Variants in CSMD1 observed in about 807,000 individuals in gnomAD.
CSMD1 encodes the protein CUB and sushi domain-containing protein 1.
Under a neutral mutation model 417.5 loss-of-function variants are expected in CSMD1, and 213 were observed. That is an observed-to-expected ratio of 0.51 (90% confidence interval 0.46 to 0.57). CSMD1 has a LOEUF of 0.57. CSMD1 is among the 20% of genes least tolerant of loss of function. The pLI, the probability that CSMD1 is intolerant of heterozygous loss-of-function variation, is 0.00. For missense variants in CSMD1, 6,923 were observed against 4,529.7 expected (o/e 1.53, Z -15.17); for synonymous variants, 2,862 against 1,736.8 (o/e 1.65, Z -16.11).
intron 49 of CSMD1, among the ~76,000 whole-genome samples, chr8:3,064,696 T>C (rs1812804383): frequency 6.6e-6 from 1 of 152,014 alleles, no homozygotes; most frequent in East Asian, 1.9e-4. Context: ...CATCCCCGCA[T>C]TTTCTCAAAG....
At chr8:4,641,223 C>G (rs1051850679) in intron 1 of CSMD1, among the ~76,000 whole-genome samples, 1 of 151,806 alleles carries the variant, frequency 6.6e-6, no homozygotes, top group Non-Finnish European at 1.5e-5. Context: ...AACAAACTTC[C>G]AAGAGAAAAC....
intron 49 of CSMD1, among the ~76,000 whole-genome samples, chr8:3,078,397 G>A (rs1813844290): frequency 6.6e-6 from 1 of 152,220 alleles, no homozygotes; most frequent in African/African-American, 2.4e-5. Context: ...GAATAAACAT[G>A]CTGGATTTTA....
At chr8:4,805,701 A>T (rs530520834) in intron 1 of CSMD1, among the ~76,000 whole-genome samples, 1 of 152,338 alleles carries the variant, frequency 6.6e-6, no homozygotes, top group Admixed American at 6.5e-5. Flanking sequence ...ATGACAGAAC[A>T]GACCTCATAA....
At chr8:4,381,876 T>C (rs987647274) in intron 3 of CSMD1, among the ~76,000 whole-genome samples, 2 of 152,190 alleles carry the variant, frequency 1.3e-5, no homozygotes, top group African/African-American at 2.4e-5. Flanking sequence ...TTGCGGACCT[T>C]TTTGGTTCCC....
chr8:3,514,330 G>A, intron 10 of CSMD1, among the ~76,000 whole-genome samples: 1 of 152,260 alleles, frequency 6.6e-6, no homozygotes, highest in Non-Finnish European at 1.5e-5. Context: ...TTGGCTAGGT[G>A]GCTGATCTCC....
chr8:4,258,846 G>T (rs1324662217), intron 3 of CSMD1, among the ~76,000 whole-genome samples: 5 of 152,076 alleles, frequency 3.3e-5, no homozygotes, highest in Admixed American at 3.3e-4. Flanking sequence ...CACTCCTCAT[G>T]GACAACGGCT....
intron 1 of CSMD1, among the ~76,000 whole-genome samples, chr8:4,761,950 T>TCTAG (rs1812135840): frequency 6.9e-6 from 1 of 145,330 alleles, no homozygotes; most frequent in Admixed American, 7.0e-5. Context: ...TATCTATCTA[T>TCTAG]CTATCTATCT....
chr8:4,675,315 C>G lies in CSMD1; in HGVS notation c.86-37757G>C, dbSNP rs150508351. On this transcript the variant is annotated intron_variant, in intron 1 of 69. Transcript: ENST00000635120. ...GGAGCCTAAAGAGAGTTATCAACAT[C>G]AAAAGTTATTTGTAAAATAAATGAG... is the stretch of plus-strand genomic sequence containing the variant. Among the ~76,000 whole-genome samples, 398 of 152,184 alleles carry G rather than the reference C, an allele frequency of 2.6e-3. 2 individuals are homozygous for G. The highest frequency in any genetic ancestry group is 9.2e-3 in the African/African-American group (382 of 41,526).
intron 23 of CSMD1, among the ~76,000 whole-genome samples, chr8:3,308,801 G>A (rs753747319): frequency 6.1e-5 from 8 of 132,078 alleles, no homozygotes; most frequent in Non-Finnish European, 9.2e-5. Flanking sequence ...TTGCCTCACT[G>A]CAACCTCCAC....
At chr8:3,513,497 G>C (rs10109447) in intron 10 of CSMD1, among the ~76,000 whole-genome samples, 12,304 of 151,920 alleles carry the variant, frequency 0.081, 599 homozygotes, top group African/African-American at 0.14. Context: ...CCTTGTGATC[G>C]TGTGAGTCAA....
chr8:4,447,707 A>T (rs1421741271), intron 2 of CSMD1, among the ~76,000 whole-genome samples: 1 of 152,218 alleles, frequency 6.6e-6, no homozygotes, highest in Non-Finnish European at 1.5e-5. Flanking sequence ...GTGCACTCAT[A>T]GTTAATAAAA....
intron 52 of CSMD1, among the ~76,000 whole-genome samples, chr8:3,017,463 T>C (rs1279372136): frequency 6.6e-6 from 1 of 152,204 alleles, no homozygotes; most frequent in Non-Finnish European, 1.5e-5. Flanking sequence ...CTCATATATA[T>C]AATTGTGTTC....
chr8:3,242,805 GGC>G (rs1799630497), intron 26 of CSMD1, among the ~76,000 whole-genome samples: 2 of 36,014 alleles, frequency 5.6e-5, no homozygotes, highest in Admixed American at 3.6e-4. Context: ...AAGGGGTTGG[GGC>G]GCAGAAATAA....
At chr8:3,963,044 C>G (rs1249935184) in intron 5 of CSMD1, among the ~76,000 whole-genome samples, 2 of 152,144 alleles carry the variant, frequency 1.3e-5, no homozygotes, top group African/African-American at 4.8e-5. Context: ...TCAAGCAATT[C>G]TCCTGCCTCA....
At chr8:3,860,258 T>G (rs371410314) in intron 5 of CSMD1, among the ~76,000 whole-genome samples, 1 of 152,102 alleles carries the variant, frequency 6.6e-6, no homozygotes, top group Admixed American at 6.6e-5. Flanking sequence ...AGTCAGACCA[T>G]TGTGAAGTTA....
chr8:3,455,076 T>G (rs139159024), intron 12 of CSMD1, among the ~76,000 whole-genome samples: 3,520 of 152,338 alleles, frequency 0.023, 240 homozygotes, highest in East Asian at 0.21. Flanking sequence ...CTTCCATCAC[T>G]GATACCCTTT....
chr8:3,402,547 G>A (rs577779185), intron 15 of CSMD1, among the ~76,000 whole-genome samples: 9 of 152,232 alleles, frequency 5.9e-5, no homozygotes, highest in African/African-American at 1.9e-4. Context: ...CTCAACATGT[G>A]CCTGGCATCC....
chr8:4,156,556 A>C (rs1796844938), intron 3 of CSMD1, among the ~76,000 whole-genome samples: 1 of 152,200 alleles, frequency 6.6e-6, no homozygotes, highest in Non-Finnish European at 1.5e-5. Flanking sequence ...AAATTCTAAA[A>C]GATCACTTCT....
chr8:4,296,849 C>G (rs548263601), intron 3 of CSMD1, among the ~76,000 whole-genome samples: 1 of 152,152 alleles, frequency 6.6e-6, no homozygotes, highest in East Asian at 1.9e-4. Flanking sequence ...GGCCTGCTAT[C>G]TCCCAGACTT....
Sources: gnomAD v4.1 joint callset for allele counts (sites outside exome capture counted in the v4.1 genomes callset) on GRCh38, gnomAD v4.1.1 for gene constraint, MANE v1.5 for transcripts, NCBI Gene and HGNC (gene_info 2026-07-23, HGNC 2026-07-21) for gene names.